The following INTS4 variants were observed in gnomAD, a reference collection of about 807,000 sequenced individuals.
The protein encoded by INTS4 is MSTP093.
Under a neutral mutation model 119.5 loss-of-function variants are expected in INTS4, and 70 were observed. The observed-to-expected ratio is 0.59, with a 90% CI of 0.48 to 0.71. The LOEUF is 0.71. Among genes scored for constraint, INTS4 ranks in the 30% least tolerant of loss-of-function variants. The pLI, the probability that INTS4 is intolerant of heterozygous loss-of-function variation, is 0.00. For missense variants in INTS4, 867 were observed against 1,173.2 expected (o/e 0.74, Z 3.81); for synonymous variants, 316 against 419.6 (o/e 0.75, Z 3.02).
At chr11:77,943,150 T>C (rs183701561) in intron 8 of INTS4, among the ~76,000 whole-genome samples, 43 of 152,294 alleles carry the variant, frequency 2.8e-4, no homozygotes, top group African/African-American at 9.1e-4. Context: ...GCTTCATCCA[T>C]AATTCCCAGT....
downstream of INTS4, among the ~76,000 whole-genome samples, chr11:77,877,702 C>T (rs976299908): frequency 6.6e-6 from 1 of 152,060 alleles, no homozygotes; most frequent in African/African-American, 2.4e-5. Flanking sequence ...ACAGGCAGTA[C>T]CAAAGGTTAA....
chr11:77,966,318 T>C (rs918686136), intron 4 of INTS4, among the ~76,000 whole-genome samples: 2 of 152,228 alleles, frequency 1.3e-5, no homozygotes, highest in African/African-American at 4.8e-5. Context: ...CATTTGTCTA[T>C]TTTTTGTGGT....
At chr11:77,907,441 AAAC>A (rs1463711778) in intron 16 of INTS4, among the ~76,000 whole-genome samples, 1 of 152,184 alleles carries the variant, frequency 6.6e-6, no homozygotes, top group East Asian at 1.9e-4. Flanking sequence ...AAATTATACA[AAAC>A]ATTTACAACC....
chr11:77,968,941 T>G (rs1855601418), intron 4 of INTS4, among the ~76,000 whole-genome samples: 1 of 152,132 alleles, frequency 6.6e-6, no homozygotes, highest in African/African-American at 2.4e-5. Flanking sequence ...GTATAATTTT[T>G]TTCTTATATT....
intron 14 of INTS4, among the ~76,000 whole-genome samples, chr11:77,920,250 C>CATATATACAT (rs1953320816): frequency 7.9e-6 from 1 of 127,322 alleles, no homozygotes; most frequent in African/African-American, 3.0e-5. Context: ...CATATATATA[C>CATATATACAT]ATATATACAT....
intron 14 of INTS4, among the ~76,000 whole-genome samples, chr11:77,920,232 C>CATATATACAT (rs1953317545): frequency 7.0e-5 from 1 of 14,386 alleles, no homozygotes; most frequent in South Asian, 8.7e-4. Context: ...CATATACATA[C>CATATATACAT]ATATATACAT....
intron 15 of INTS4, among the ~76,000 whole-genome samples, chr11:77,909,527 C>T (rs1228441459): frequency 1.3e-5 from 2 of 152,220 alleles, no homozygotes; most frequent in African/African-American, 4.8e-5. Flanking sequence ...TAATCTCATT[C>T]ATGACCTAAT....
chr11:77,961,531 A>C (rs1954476940), intron 4 of INTS4, among the ~76,000 whole-genome samples: 1 of 152,220 alleles, frequency 6.6e-6, no homozygotes, highest in African/African-American at 2.4e-5. Flanking sequence ...GCAAAATCTT[A>C]AGTGTACAGC....
At chr11:77,894,044 T>G (rs1952400340) in intron 19 of INTS4, among the ~76,000 whole-genome samples, 1 of 152,174 alleles carries the variant, frequency 6.6e-6, no homozygotes, top group Non-Finnish European at 1.5e-5. Flanking sequence ...GAGTGCTAAA[T>G]GCAAGTGATT....
At chr11:77,969,548 T>C (rs1414179003) in intron 4 of INTS4, among the ~76,000 whole-genome samples, 1 of 152,062 alleles carries the variant, frequency 6.6e-6, no homozygotes, top group Non-Finnish European at 1.5e-5. Flanking sequence ...CACCTGCTAG[T>C]TCTTTTGCAC....
At chr11:77,885,352 C>T (rs1349473532) in intron 21 of INTS4, among the ~76,000 whole-genome samples, 1 of 151,006 alleles carries the variant, frequency 6.6e-6, no homozygotes, top group Non-Finnish European at 1.5e-5. Flanking sequence ...GTTGGGATTA[C>T]AGGCGTGAGC....
At chr11:77,976,113 A>G (rs1425222697) in intron 4 of INTS4, among the ~76,000 whole-genome samples, 3 of 140,486 alleles carry the variant, frequency 2.1e-5, no homozygotes, top group Admixed American at 7.0e-5. Flanking sequence ...AGTCTTTTCA[A>G]AAAAGAGATT....
intron 12 of INTS4, chr11:77,924,406 A>C (rs1212615489): frequency 5.8e-6 from 1 of 173,136 alleles, no homozygotes; most frequent in Middle Eastern, 2.5e-3. Flanking sequence ...GTCTCAAAAA[A>C]AAAAAGTAAC....
chr11:77,930,098 G>A (rs1953609958), intron 10 of INTS4, among the ~76,000 whole-genome samples: 1 of 152,152 alleles, frequency 6.6e-6, no homozygotes, highest in African/African-American at 2.4e-5. Flanking sequence ...ATACAAAGAT[G>A]AGAAATGAGT....
chr11:77,948,943 C>G (rs1226699243), intron 8 of INTS4, among the ~76,000 whole-genome samples: 2 of 152,078 alleles, frequency 1.3e-5, no homozygotes, highest in Non-Finnish European at 2.9e-5. Flanking sequence ...GATAAGTGTA[C>G]AGCAATAAAT....
At chr11:77,931,047 A>C (rs775686653) in intron 10 of INTS4, among the ~76,000 whole-genome samples, 4 of 152,230 alleles carry the variant, frequency 2.6e-5, no homozygotes, top group African/African-American at 4.8e-5. Flanking sequence ...AGAACAGTTA[A>C]TTGCATTACA....
intron 21 of INTS4, among the ~76,000 whole-genome samples, chr11:77,890,103 A>C (rs1472292992): frequency 2.6e-5 from 4 of 152,198 alleles, no homozygotes; most frequent in African/African-American, 9.7e-5. Context: ...ATGCTTTCTG[A>C]GTAATCCTAA....
chr11:77,968,469 T>C (rs1855583908), intron 4 of INTS4, among the ~76,000 whole-genome samples: 1 of 152,044 alleles, frequency 6.6e-6, no homozygotes, highest in Non-Finnish European at 1.5e-5. Flanking sequence ...GAATATAGAA[T>C]GGTGGTTGTT....
rs186912132 is a variant in INTS4, at chr11:77,965,385, G to A, written c.472-4247C>T. On this transcript the variant is annotated intron_variant, in intron 4 of 22. Coordinates refer to ENST00000534064, the MANE Select transcript of INTS4 (RefSeq NM_033547.4). ...TTATTTTTAAATATACATTATTGTG[G>A]ACTATAGTCACCTGCTATGTAATAG... Among the ~76,000 whole-genome samples, 7 of 152,018 alleles carry A rather than the reference G, an allele frequency of 4.6e-5. No homozygotes were observed. In the East Asian group the frequency reaches 1.4e-3, roughly 29 times the overall value.
Sources: gnomAD v4.1 joint callset for allele counts (sites outside exome capture counted in the v4.1 genomes callset) on GRCh38, gnomAD v4.1.1 for gene constraint, MANE v1.5 for transcripts, NCBI Gene and HGNC (gene_info 2026-07-23, HGNC 2026-07-21) for gene names.